The following MYH7B variants were observed in gnomAD, a reference collection of about 807,000 sequenced individuals.
The protein encoded by MYH7B is myosin heavy chain 7B.
MYH7B carries 205 observed loss-of-function variants against 234.5 expected under a neutral mutation model. That is an observed-to-expected ratio of 0.87 (90% CI 0.78 to 0.98). The LOEUF (loss-of-function observed/expected upper bound fraction) is 0.98. Among genes scored for constraint, MYH7B ranks in the 50% least tolerant of loss-of-function variants. The pLI is 0.00. For synonymous variants in MYH7B, 1,193 were observed against 1,105.0 expected, an observed-to-expected ratio of 1.08 and a Z score of -1.58; for missense variants, 2,652 against 2,633.4, an observed-to-expected ratio of 1.01 and a Z score of -0.15.
intron 2 of MYH7B, among the ~76,000 whole-genome samples, chr20:34,972,634 A>C (rs937355475): frequency 6.6e-6 from 1 of 151,970 alleles, no homozygotes; most frequent in African/African-American, 2.4e-5. Context: ...TGGGTGTCAC[A>C]CTTGTTTGTT....
At position 34,998,537 on chromosome 20, in the gene MYH7B, A is replaced by G. The variant is rs753894167; in HGVS notation, c.3901A>G (p.Lys1301Glu). 5.0e-6 allele frequency: 8 copies of G among 1,613,506 alleles called. No homozygotes were observed. In the Admixed American group the frequency reaches 5.0e-5, roughly 10 times the overall value. Residue 1301 changes from lysine (K) to glutamate (E), a missense_variant, in exon 34 of 45, where the codon AAG becomes GAG. Physicochemically the swap from Lys to Glu is moderately conservative, Grantham distance 56 (BLOSUM62 1). This residue lies in a region of MYH7B where 2,279 missense variants were observed against 2,211.4 expected (regional missense o/e 1.03). Transcript: ENST00000262873. ...GGAGCTGAGTCGCCTGCTAGAGGAG[A>G]AGGAGTGTCTGATCAGTCAGCTGAG...
At chr20:34,996,313 G>A in intron 28 of MYH7B, 33 bp from the exon 29 acceptor site, 2 of 1,553,292 alleles carry the variant, frequency 1.3e-6, no homozygotes, top group Non-Finnish European at 1.7e-6. Flanking sequence ...TGCGGGGAAG[G>A]GCGTCCCCAT....
exon 33 of MYH7B, chr20:34,998,324 T>C (rs1412486570): frequency 5.0e-6 from 8 of 1,613,820 alleles, no homozygotes; most frequent in Non-Finnish European, 6.8e-6. Context: ...GCCGGACCTA[T>C]GAGGATCAGC....
chr20:34,962,201 T>G (rs2081704587), intron 2 of MYH7B, among the ~76,000 whole-genome samples: 1 of 152,182 alleles, frequency 6.6e-6, no homozygotes, highest in African/African-American at 2.4e-5. Flanking sequence ...CACTCCAGCA[T>G]GGGTGACAGA....
intron 1 of MYH7B, 106 bp downstream of exon 1, chr20:34,956,113 AG>A (rs1425819702): frequency 6.6e-6 from 1 of 152,036 alleles, no homozygotes; most frequent in Non-Finnish European, 1.5e-5. Context: ...ACAATTGATA[AG>A]GGTGGGGGTG....
Position 34,994,291 on chromosome 20 carries a change from CG to C in MYH7B, c.2595del (p.Leu866CysfsTer50). On this transcript the variant is annotated frameshift_variant, in exon 27 of 45. Coordinates refer to ENST00000262873, the Ensembl canonical transcript of MYH7B. LOFTEE classifies it high-confidence loss of function. ...GCTGGCGGCCCTGCGGGCAGAGCTGCGGGGGTTGCGAGGGGCGCTGGCTGCG... is the reference window on the plus strand; with the variant it reads ...GCTGGCGGCCCTGCGGGCAGAGCTGCGGGGTTGCGAGGGGCGCTGGCTGCG... 1 of 1,611,692 alleles carries C rather than the reference CG, an allele frequency of 6.2e-7. No individual in the cohort carries two copies. The highest frequency in any genetic ancestry group is 1.1e-5 in the South Asian group (1 of 91,012).
At chr20:34,977,293 C>T (rs1352558412) in intron 3 of MYH7B, among the ~76,000 whole-genome samples, 2 of 152,076 alleles carry the variant, frequency 1.3e-5, no homozygotes, top group Non-Finnish European at 2.9e-5. Context: ...TCTGTGGTTT[C>T]CCCTCTGAGT....
At chr20:35,002,212 A>G (rs2082405834) in exon 45 of MYH7B, 1 of 1,513,842 alleles carries the variant, frequency 6.6e-7, no homozygotes, top group South Asian at 1.3e-5. Flanking sequence ...TGGGCTCTAA[A>G]GAGGAATGTC....
intron 2 of MYH7B, among the ~76,000 whole-genome samples, chr20:34,965,358 G>T (rs1009241501): frequency 1.3e-5 from 2 of 152,244 alleles, no homozygotes; most frequent in African/African-American, 4.8e-5. Context: ...GCCCAGGCTT[G>T]GGTGAGAAAC....
rs769529263 is a variant in MYH7B at position 34,980,563 on chromosome 20, A to G, written c.343-15A>G. On this transcript the variant is annotated splice_polypyrimidine_tract_variant and intron_variant, in intron 7 of 44. Transcript: ENST00000262873. ...AAAAACAACAACATAAACCCTACCT[A>G]TACTCTCTCTTCAGACCTACTCAGG... is the stretch of plus-strand genomic sequence containing the variant. The G allele has an allele frequency of 1.6e-5, 25 of 1,605,898 alleles. 1 individual carries two copies. Among genetic ancestry groups the G allele is most frequent in the South Asian group, 5.5e-5 (5 of 90,886 alleles).
chr20:35,000,305 G>T (rs1172548840), exon 39 of MYH7B: 1 of 1,579,798 alleles, frequency 6.3e-7, no homozygotes, highest in Admixed American at 1.7e-5. Context: ...GCAACCACCA[G>T]CGAGCTGTGG....
rs551962201 is a variant in MYH7B, at chr20:34,979,899, G to T, written c.342+95G>T. The T allele has an allele frequency of 1.4e-4, 197 of 1,395,952 alleles. 2 individuals are homozygous for T. The African/African-American group carries it at 2.5e-3, about 17-fold the overall frequency. The allele number at this position is 1,395,952 out of a possible 1,614,324, so 86.5% of individuals were successfully genotyped here. A position where few individuals can be genotyped will look rare whatever the true frequency, so the allele number is the denominator to read the frequency against. ...GGGGGCGGGCCCATAGCGGTGGGGC[G>T]GGGCTGTGAGCGGTGGATCGGGGCT... On this transcript the variant is annotated intron_variant, in intron 7 of 44. Coordinates refer to ENST00000262873, the Ensembl canonical transcript of MYH7B.
At chr20:34,977,050 T>G in intron 3 of MYH7B, among the ~76,000 whole-genome samples, 1 of 2,852 alleles carries the variant, frequency 3.5e-4, no homozygotes, top group South Asian at 0.018. Flanking sequence ...CCTCTCCCCC[T>G]ACCCCTCCCC....
At chr20:34,991,110 C>A (rs759004510) in exon 24 of MYH7B, 2 of 1,608,068 alleles carry the variant, frequency 1.2e-6, no homozygotes, top group Non-Finnish European at 1.7e-6. Flanking sequence ...TCTACACCGA[C>A]TTCCGGCAGC....
chr20:34,980,909 A>C, intron 8 of MYH7B, 124 bp from the exon 9 acceptor site: 1 of 1,508,178 alleles, frequency 6.6e-7, no homozygotes, highest in Middle Eastern at 1.7e-4. Flanking sequence ...GGACAGCCCC[A>C]CCTGCTCCTT....
chr20:34,981,323 G>A (rs1260458154), intron 9 of MYH7B: 3 of 442,846 alleles, frequency 6.8e-6, no homozygotes, highest in Non-Finnish European at 1.2e-5. Context: ...TCTCCCCGGG[G>A]CCTGGAATCT....
chr20:34,989,958 C>T lies in MYH7B; in HGVS notation c.1767+39C>T, dbSNP rs1335263089. On this transcript the variant is annotated intron_variant, in intron 20 of 44. Coordinates refer to ENST00000262873, the Ensembl canonical transcript of MYH7B. ...GGAACCCCAGCCCTCGGCCAGGCTC[C>T]TCCCGCCCTGCTCCAGGTCTCCCAC... is the stretch of plus-strand genomic sequence containing the variant. 8 of 1,613,190 alleles carry T rather than the reference C, an allele frequency of 5.0e-6. No homozygotes were observed. In the South Asian group the frequency reaches 7.7e-5, roughly 16 times the overall value.
rs372371138 is a variant in MYH7B, at chr20:34,984,875, A to G, written c.670A>G (p.Ile224Val). Residue 224 changes from isoleucine (I) to valine (V), a missense_variant, in exon 12 of 45, where the codon ATC becomes GTC. Physicochemically the swap from Ile to Val is conservative, Grantham distance 29 (BLOSUM62 3). Transcript: ENST00000262873. ...CCAGGGCACCCTTGAGGATCAAATC[A>G]TCGAGGCCAACCCTGCCATGGAGGC... is the stretch of plus-strand genomic sequence containing the variant. 1.9e-6 allele frequency: 3 copies of G among 1,613,974 alleles called. No homozygotes were observed. In the Admixed American group the frequency reaches 5.0e-5, roughly 27 times the overall value.
Position 34,998,707 on chromosome 20 carries a change from G to A in MYH7B, c.3994-12G>A, listed in dbSNP as rs762939342. Reference sequence around the variant, plus strand: ...GGCTGCACTAACGCTGAGGTCACTGGTGTCCCTGCAGGCCAAGAGTGCCCT... The same window carrying A: ...GGCTGCACTAACGCTGAGGTCACTGATGTCCCTGCAGGCCAAGAGTGCCCT... On this transcript the variant is annotated splice_polypyrimidine_tract_variant and intron_variant, in intron 34 of 44. Transcript: ENST00000262873. The A allele has an allele frequency of 9.9e-6, 16 of 1,611,400 alleles. No individual in the cohort carries two copies. Among genetic ancestry groups the A allele is most frequent in the Non-Finnish European group, 1.3e-5 (15 of 1,179,166 alleles).
Sources: allele counts gnomAD v4.1 joint callset (sites outside exome capture counted in the v4.1 genomes callset), GRCh38; gene constraint gnomAD v4.1.1; regional missense constraint gnomAD v4.1.1; transcripts MANE v1.5; gene names NCBI Gene and HGNC (gene_info 2026-07-23, HGNC 2026-07-21).